The following SH3KBP1 variants were observed in gnomAD, a reference collection of about 807,000 sequenced individuals.
SH3KBP1 encodes the protein SH3 domain containing kinase binding protein 1.
SH3KBP1 carries 8 observed loss-of-function variants against 50.1 expected under a neutral mutation model. The ratio of observed to expected loss-of-function variants is 0.16; its 90% CI spans 0.09 to 0.29. The LOEUF (loss-of-function observed/expected upper bound fraction) is 0.29, where lower values mean the gene tolerates loss of function less well. Ranked by LOEUF, SH3KBP1 falls within the 10% of genes least tolerant of loss-of-function variation. The pLI, the probability that SH3KBP1 is intolerant of heterozygous loss-of-function variation, is 1.00. For synonymous variants in SH3KBP1, 227 were observed against 218.6 expected (o/e 1.04, Z -0.34); for missense variants, 377 against 535.2 (o/e 0.70, Z 2.92).
At chrX:19,718,054 T>C (rs1213257324) in intron 3 of SH3KBP1, among the ~76,000 whole-genome samples, 1 of 109,951 alleles carries the variant, frequency 9.1e-6, no homozygotes, top group African/African-American at 3.3e-5. Context: ...CAAGTAGCTC[T>C]ACGTGTATCA....
At chrX:19,681,775 T>A (rs910972212) in intron 6 of SH3KBP1, among the ~76,000 whole-genome samples, 1 of 111,159 alleles carries the variant, frequency 9.0e-6, no homozygotes, top group African/African-American at 3.3e-5. Context: ...GGGGAGGAAG[T>A]CCCAGCAGTA....
chrX:19,765,468 T>C (rs1227202305), intron 2 of SH3KBP1, among the ~76,000 whole-genome samples: 1 of 111,187 alleles, frequency 9.0e-6, no homozygotes, highest in Non-Finnish European at 1.9e-5. Flanking sequence ...CAGTATAGCA[T>C]CTTCAATGCT....
At chrX:19,560,152 AC>A (rs1306836265) in intron 13 of SH3KBP1, among the ~76,000 whole-genome samples, 4 of 108,416 alleles carry the variant, frequency 3.7e-5, no homozygotes, top group African/African-American at 1.3e-4. Context: ...TATGTTCATA[AC>A]CCCTTAACAA....
intron 1 of SH3KBP1, among the ~76,000 whole-genome samples, chrX:19,857,130 C>T (rs1372969073): frequency 9.3e-6 from 1 of 107,933 alleles, no homozygotes; most frequent in Non-Finnish European, 1.9e-5. Flanking sequence ...GGACTGGAGG[C>T]GGGGAGGGCA....
intron 9 of SH3KBP1, among the ~76,000 whole-genome samples, chrX:19,603,581 T>A (rs907641766): frequency 1.8e-5 from 2 of 112,738 alleles, no homozygotes; most frequent in African/African-American, 6.4e-5. Context: ...AGCAATGCCA[T>A]CATTCTTGAC....
chrX:19,640,249 C>G (rs373825063), intron 7 of SH3KBP1, among the ~76,000 whole-genome samples: 15 of 111,535 alleles, frequency 1.3e-4, no homozygotes, highest in Admixed American at 1.3e-3. Flanking sequence ...CCACTTGACC[C>G]AGAGAAGCAG....
At chrX:19,558,181 A>T (rs1156414966) in intron 13 of SH3KBP1, among the ~76,000 whole-genome samples, 1 of 112,865 alleles carries the variant, frequency 8.9e-6, no homozygotes. Flanking sequence ...ACCTTTCTGT[A>T]TGCCATTTGG....
At chrX:19,664,167 T>C (rs1216054210) in intron 6 of SH3KBP1, among the ~76,000 whole-genome samples, 2 of 111,652 alleles carry the variant, frequency 1.8e-5, no homozygotes, top group African/African-American at 6.5e-5. Context: ...AAATCCTACA[T>C]AATATATCTC....
intron 4 of SH3KBP1, among the ~76,000 whole-genome samples, chrX:19,703,696 C>CTCTGTGTGTGTG (rs1459116402): frequency 3.1e-5 from 2 of 63,500 alleles, no homozygotes; most frequent in African/African-American, 1.1e-4. Context: ...AAAAGAGAAA[C>CTCTGTGTGTGTG]TGTGTGTGTG....
At chrX:19,559,226 G>A (rs1254575610) in intron 13 of SH3KBP1, among the ~76,000 whole-genome samples, 1 of 81,736 alleles carries the variant, frequency 1.2e-5, no homozygotes. Context: ...GAGCTGAGAT[G>A]GCGTCACTGC....
chrX:19,773,346 T>A (rs905349706), intron 2 of SH3KBP1, among the ~76,000 whole-genome samples: 1 of 111,269 alleles, frequency 9.0e-6, no homozygotes, highest in African/African-American at 3.3e-5. Flanking sequence ...AAACCGTAAA[T>A]CCACAGGTTT....
At chrX:19,825,609 C>T (rs1463085379) in intron 2 of SH3KBP1, among the ~76,000 whole-genome samples, 1 of 111,960 alleles carries the variant, frequency 8.9e-6, no homozygotes, top group Non-Finnish European at 1.9e-5. Context: ...CACGGTGGTT[C>T]ATGCCTGTAG....
intron 1 of SH3KBP1, among the ~76,000 whole-genome samples, chrX:19,883,516 C>G (rs1208073598): frequency 9.0e-6 from 1 of 111,664 alleles, no homozygotes; most frequent in Non-Finnish European, 1.9e-5. Flanking sequence ...TTTTCCTCCC[C>G]CACTGCCTCC....
intron 9 of SH3KBP1, among the ~76,000 whole-genome samples, chrX:19,603,797 C>T (rs182562130): frequency 1.8e-5 from 2 of 111,638 alleles, no homozygotes; most frequent in African/African-American, 6.5e-5. Flanking sequence ...AAGCGATCCC[C>T]CAAACTCAGC....
intron 6 of SH3KBP1, among the ~76,000 whole-genome samples, chrX:19,675,409 CTT>C (rs746659249): frequency 1.0e-5 from 1 of 99,584 alleles, no homozygotes; most frequent in Non-Finnish European, 2.1e-5. Flanking sequence ...AACCACTATA[CTT>C]TTTTTTTTTT....
intron 8 of SH3KBP1, among the ~76,000 whole-genome samples, chrX:19,612,808 G>C (rs1054095048): frequency 8.9e-6 from 1 of 111,825 alleles, no homozygotes; most frequent in African/African-American, 3.3e-5. Flanking sequence ...AGAAGTGCTA[G>C]AATGGATTTA....
At chrX:19,725,162 G>C (rs977877119) in intron 3 of SH3KBP1, among the ~76,000 whole-genome samples, 1 of 110,662 alleles carries the variant, frequency 9.0e-6, no homozygotes, top group African/African-American at 3.3e-5. Flanking sequence ...CAACTAAAAT[G>C]CAGAACACAG....
chrX:19,667,862 A>G (rs748907742), intron 6 of SH3KBP1, among the ~76,000 whole-genome samples: 1 of 59,763 alleles, frequency 1.7e-5, no homozygotes, highest in African/African-American at 7.0e-5. Flanking sequence ...AATTATTTTC[A>G]TTAAAAACAA....
chrX:19,855,741 T>C (rs1343963828), intron 1 of SH3KBP1, among the ~76,000 whole-genome samples: 1 of 112,237 alleles, frequency 8.9e-6, no homozygotes, highest in Non-Finnish European at 1.9e-5. Flanking sequence ...TCTGAGTATA[T>C]GTTTAATGAT....
Sources: gnomAD v4.1 joint callset for allele counts (sites outside exome capture counted in the v4.1 genomes callset) on GRCh38, gnomAD v4.1.1 for gene constraint, MANE v1.5 for transcripts, NCBI Gene and HGNC (gene_info 2026-07-23, HGNC 2026-07-21) for gene names.